MYZAP: variants seen among roughly 807,000 people sequenced by gnomAD.
MYZAP encodes GRINL1A complex locus upstream.
MYZAP carries 66 observed loss-of-function variants against 69.4 expected under a neutral mutation model. The observed-to-expected ratio is 0.95, with a 90% CI of 0.78 to 1.17. MYZAP has a LOEUF of 1.17. Among genes scored for constraint, MYZAP ranks in the 50% most tolerant of loss-of-function variants. The pLI, the probability that MYZAP is intolerant of heterozygous loss-of-function variation, is 0.00. For missense variants in MYZAP, 611 were observed against 556.2 expected, an observed-to-expected ratio of 1.10 and a Z score of -0.99; for synonymous variants, 256 against 205.9, an observed-to-expected ratio of 1.24 and a Z score of -2.09.
At chr15:57,612,049 A>C (rs72743516) in intron 2 of MYZAP, among the ~76,000 whole-genome samples, 1 of 152,180 alleles carries the variant, frequency 6.6e-6, no homozygotes, top group Non-Finnish European at 1.5e-5. Flanking sequence ...ACCTGGGCCA[A>C]ATAATTTGCT....
At chr15:57,611,737 T>C (rs2035117543) in intron 2 of MYZAP, among the ~76,000 whole-genome samples, 1 of 152,114 alleles carries the variant, frequency 6.6e-6, no homozygotes, top group Non-Finnish European at 1.5e-5. Context: ...TAAATTAGTT[T>C]TATTTTTTAG....
rs751176172 is a variant in MYZAP, at chr15:57,637,698, C to T, written c.937C>T (p.Arg313Cys). Residue 313 changes from arginine (R) to cysteine (C), a missense_variant, in exon 9 of 13, where the codon CGT becomes TGT. Coordinates refer to ENST00000267853, the MANE Select transcript of MYZAP (RefSeq NM_001018100.5). ...TATCAGTTTCTGTTTGTTTTAGGAA[C>T]GTCATCAACTGCAACTTCAACTCCT... ...DRLIERMEKE[R>C]HQLQLQLLEH... 13 of 1,612,166 alleles carry T rather than the reference C, an allele frequency of 8.1e-6. No individual in the cohort carries two copies. Among genetic ancestry groups the T allele is most frequent in the Admixed American group, 3.3e-5 (2 of 59,872 alleles).
chr15:57,607,597 C>T (rs1259407393), intron 2 of MYZAP, among the ~76,000 whole-genome samples: 1 of 152,186 alleles, frequency 6.6e-6, no homozygotes, highest in East Asian at 1.9e-4. Context: ...CTTGAGAACT[C>T]CAAGGCCCTG....
chr15:57,633,305 C>T (rs1250917515), intron 7 of MYZAP, among the ~76,000 whole-genome samples: 1 of 152,164 alleles, frequency 6.6e-6, no homozygotes, highest in Non-Finnish European at 1.5e-5. Flanking sequence ...AATACAGTGA[C>T]ATTCTGAGCA....
rs1170756463 is a variant in MYZAP at position 57,625,367 on chromosome 15, T to C, written c.412-412T>C. 3.9e-5 allele frequency among the ~76,000 whole-genome samples: 6 copies of C among 152,258 alleles called. No individual in the cohort carries two copies. In the East Asian group the frequency reaches 5.8e-4, roughly 15 times the overall value. ...GGGATTACAAAAACACTCTTGAGAA[T>C]TGAGTGAGACCAAAGCATATTCTCT... On this transcript the variant is annotated intron_variant, in intron 4 of 12. Transcript: ENST00000267853.
intron 1 of MYZAP, 68 bp from the exon 2 acceptor site, chr15:57,604,201 A>G (rs2034592862): frequency 6.5e-7 from 1 of 1,546,888 alleles, no homozygotes; most frequent in Non-Finnish European, 8.9e-7. Context: ...TGAGAAGCCC[A>G]AGGTCATCTG....
At chr15:57,604,158 G>T in intron 1 of MYZAP, 111 bp from the exon 2 acceptor site, 1 of 1,128,548 alleles carries the variant, frequency 8.9e-7, no homozygotes, top group Non-Finnish European at 1.3e-6. Flanking sequence ...GATCAGGACA[G>T]TGTTCCCCAA....
In MYZAP at chr15:57,669,135, C is replaced by T. The variant is rs1168610745; in HGVS notation, c.1204-5833C>T. 1.3e-5 allele frequency among the ~76,000 whole-genome samples: 2 copies of T among 152,060 alleles called. 1 individual carries two copies. The highest frequency in any genetic ancestry group is 2.9e-5 in the Non-Finnish European group (2 of 68,006). ...AACTCCTGAGCTCAAGTGATCAGCC[C>T]ATGTCGGGTTCCCAAAGTACTGGGA... On this transcript the variant is annotated intron_variant, in intron 11 of 12. Coordinates refer to ENST00000267853, the MANE Select transcript of MYZAP (RefSeq NM_001018100.5).
At position 57,648,939 on chromosome 15, in the gene MYZAP, G is replaced by GTA. The variant is rs555716087; in HGVS notation, c.1119+9407_1119+9408dup. Among the ~76,000 whole-genome samples the GTA allele has an allele frequency of 8.1e-3, 1,215 of 149,202 alleles. 10 individuals carry two copies. The highest frequency in any genetic ancestry group is 0.051 in the South Asian group (238 of 4,690). On this transcript the variant is annotated intron_variant, in intron 10 of 12. Transcript: ENST00000267853. The stretch of plus-strand genomic sequence containing the variant: ...GGCCATGCCTTGATGATTTTACTGT[G>GTA]TATATATATATATAAAATTAGTATG...
chr15:57,604,348 A>C lies in MYZAP; in HGVS notation c.155A>C (p.Lys52Thr). Reference protein sequence around the residue: ...PEQCEKKIERKEQLLDLSNGE... With the variant: ...PEQCEKKIERTEQLLDLSNGE... Reference sequence around the variant, plus strand: ...CAATGTGAAAAGAAGATTGAGAGAAAAGAGCAGGTAAGGTATCTCCGAGGC... The same window carrying C: ...CAATGTGAAAAGAAGATTGAGAGAACAGAGCAGGTAAGGTATCTCCGAGGC... Residue 52 changes from lysine to threonine, a missense_variant, in exon 2 of 13, where the codon AAA becomes ACA. Coordinates refer to ENST00000267853, the MANE Select transcript of MYZAP (RefSeq NM_001018100.5). The C allele has an allele frequency of 6.2e-7, 1 of 1,614,160 alleles. No individual in the cohort carries two copies. The highest frequency in any genetic ancestry group is 8.5e-7 in the Non-Finnish European group (1 of 1,180,014).
chr15:57,669,953 T>C (rs1009632038), intron 11 of MYZAP, among the ~76,000 whole-genome samples: 9 of 152,276 alleles, frequency 5.9e-5, no homozygotes, highest in Non-Finnish European at 1.2e-4. Context: ...TTTGTTGATA[T>C]TTTTATTTCT....
chr15:57,603,171 C>T (rs1299805246), intron 1 of MYZAP, among the ~76,000 whole-genome samples: 1 of 152,126 alleles, frequency 6.6e-6, no homozygotes, highest in Non-Finnish European at 1.5e-5. Flanking sequence ...ATCTCAGTGA[C>T]TAGTGACAAA....
At chr15:57,625,261 A>G (rs1380531351) in intron 4 of MYZAP, among the ~76,000 whole-genome samples, 4 of 152,022 alleles carry the variant, frequency 2.6e-5, no homozygotes, top group African/African-American at 7.3e-5. Flanking sequence ...TTTAGTAGAG[A>G]TGGAGTTTCA....
At chr15:57,606,291 T>G (rs1273569125) in intron 2 of MYZAP, among the ~76,000 whole-genome samples, 1 of 152,074 alleles carries the variant, frequency 6.6e-6, no homozygotes, top group African/African-American at 2.4e-5. Context: ...ACCTAAGAGG[T>G]GCACATCACA....
rs2034273202 is a variant in MYZAP at position 57,599,436 on chromosome 15, A to G, written c.76-4833A>G. 4 of 1,144,190 alleles carry G rather than the reference A, an allele frequency of 3.5e-6. No homozygotes were observed. In the Admixed American group the frequency reaches 1.5e-4, roughly 44 times the overall value. The allele number at this position is 1,144,190 out of a possible 1,614,324, so 70.9% of individuals were successfully genotyped here. On this transcript the variant is annotated intron_variant, in intron 1 of 12. Transcript: ENST00000267853. Reference sequence around the variant, plus strand: ...AATAGGTGCTCAGTAACTGAGTAATAAAGTATGCTGAGTCCAGCTTCCTGC... The same window carrying G: ...AATAGGTGCTCAGTAACTGAGTAATGAAGTATGCTGAGTCCAGCTTCCTGC...
At chr15:57,625,575 G>T (rs931312809) in intron 4 of MYZAP, among the ~76,000 whole-genome samples, 1 of 152,196 alleles carries the variant, frequency 6.6e-6, no homozygotes, top group South Asian at 2.1e-4. Flanking sequence ...CTAAATGAGG[G>T]TCTGTGAGTA....
At position 57,629,027 on chromosome 15, in the gene MYZAP, G is replaced by A. The variant is rs915554853; in HGVS notation, c.526-675G>A. ...GAACCTGGGAGGCAGAGGTTGCAGT[G>A]AGCCGAGATCGTGCCACTGCACTCC... On this transcript the variant is annotated intron_variant, in intron 5 of 12. Transcript: ENST00000267853. Among the ~76,000 whole-genome samples, 16 of 149,298 alleles carry A rather than the reference G, an allele frequency of 1.1e-4. No individual in the cohort carries two copies. The East Asian group carries it at 2.4e-3, about 22-fold the overall frequency.
chr15:57,672,461 T>C (rs1460419638), intron 11 of MYZAP, among the ~76,000 whole-genome samples: 7 of 152,236 alleles, frequency 4.6e-5, no homozygotes, highest in Admixed American at 4.6e-4. Flanking sequence ...TTCTAATCTG[T>C]TATTCAGAAT....
chr15:57,601,519 A>G (rs1239635061), intron 1 of MYZAP, among the ~76,000 whole-genome samples: 1 of 152,104 alleles, frequency 6.6e-6, no homozygotes, highest in Non-Finnish European at 1.5e-5. Context: ...TTCCCTACTC[A>G]AGATCAGTGT....
Sources: gnomAD v4.1 joint callset for allele counts (sites outside exome capture counted in the v4.1 genomes callset) on GRCh38, gnomAD v4.1.1 for gene constraint, MANE v1.5 for transcripts, NCBI Gene and HGNC (gene_info 2026-07-23, HGNC 2026-07-21) for gene names.